The following RICTOR variants were observed in gnomAD, a reference collection of about 807,000 sequenced individuals.
RICTOR encodes the protein rapamycin-insensitive companion of mTOR.
Under a neutral mutation model 214.9 loss-of-function variants are expected in RICTOR, and 49 were observed. The observed-to-expected ratio is 0.23, with a 90% confidence interval of 0.18 to 0.29. RICTOR has a LOEUF of 0.29. RICTOR is among the 10% of genes least tolerant of loss of function. The probability of loss-of-function intolerance (pLI) is 1.00; values close to 1 mark genes in which losing one functional copy is unlikely to be tolerated. For synonymous variants in RICTOR, 717 were observed against 711.3 expected (o/e 1.01, Z -0.13); for missense variants, 1,625 against 2,047.0 (o/e 0.79, Z 3.98).
Position 38,941,147 on chromosome 5 carries a change from T to C in RICTOR, c.*1157A>G, listed in dbSNP as rs1171778204. On this transcript the variant is annotated 3_prime_UTR_variant, in exon 38 of 38. Transcript: ENST00000357387. ...AATTAAACAAACAAAAACCTTGCCC[T>C]CATCAACTTAACTTCACAAATGGAT... 4.3e-6 allele frequency: 1 copy of C among 232,786 alleles called. No homozygotes were observed. Among genetic ancestry groups the C allele is most frequent in the African/African-American group, 2.2e-5 (1 of 45,302 alleles). 14.4% of individuals were successfully genotyped at this position (232,786 alleles called of 1,614,324 possible). A position where few individuals can be genotyped will look rare whatever the true frequency, so the allele number is the denominator to read the frequency against.
chr5:39,073,975 G>T, intron 2 of RICTOR, 136 bp downstream of exon 2: 1 of 381,466 alleles, frequency 2.6e-6, no homozygotes, highest in Non-Finnish European at 3.8e-6. Flanking sequence ...CCGCGGGCCG[G>T]CAGGCGGGGC....
chr5:38,993,024 G>GT (rs1333047473), intron 6 of RICTOR, among the ~76,000 whole-genome samples: 7 of 152,276 alleles, frequency 4.6e-5, no homozygotes, highest in Non-Finnish European at 1.0e-4. Context: ...TAGGAAGGAA[G>GT]TAACAATTGT....
chr5:38,958,631 A>T, intron 23 of RICTOR, 36 bp downstream of exon 23: 1 of 1,535,454 alleles, frequency 6.5e-7, no homozygotes, highest in South Asian at 1.2e-5. Flanking sequence ...ATTTCAAAAA[A>T]ATTTAAGTAT....
Position 39,063,320 on chromosome 5 carries a change from AATCATTCT to A in RICTOR, c.97+10783_97+10790del, listed in dbSNP as rs140052416. Among the ~76,000 whole-genome samples, 577 of 152,254 alleles carry A rather than the reference AATCATTCT, an allele frequency of 3.8e-3. 3 individuals are homozygous for A. The highest frequency in any genetic ancestry group is 0.013 in the African/African-American group (552 of 41,562). ...GGCCAGAAGAGCCTGTCTGTAATATAATCATTCTTCAATAGTTAAGGGATTTATATCCA... is the reference window on the plus strand; with the variant it reads ...GGCCAGAAGAGCCTGTCTGTAATATATCAATAGTTAAGGGATTTATATCCA... On this transcript the variant is annotated intron_variant, in intron 2 of 37. Coordinates refer to ENST00000357387, the MANE Select transcript of RICTOR (RefSeq NM_152756.5).
intron 5 of RICTOR, among the ~76,000 whole-genome samples, chr5:39,000,525 C>A (rs2150100840): frequency 6.6e-6 from 1 of 151,990 alleles, no homozygotes; most frequent in South Asian, 2.1e-4. Flanking sequence ...CTAGTAAAAG[C>A]TTATAGAAAG....
chr5:39,029,981 G>C (rs1756147250), intron 2 of RICTOR, among the ~76,000 whole-genome samples: 1 of 152,026 alleles, frequency 6.6e-6, no homozygotes, highest in South Asian at 2.1e-4. Context: ...GGTTTTAGTA[G>C]TACATTACTT....
At position 39,005,087 on chromosome 5, in the gene RICTOR, T is replaced by C. The variant is rs189911335; in HGVS notation, c.196-1465A>G. ...TGAGCCACAGCGCCCGGCCTCTCAC[T>C]CAGACTCTTTTAAAGACATCTTTCC... On this transcript the variant is annotated intron_variant, in intron 3 of 37. Coordinates refer to ENST00000357387, the MANE Select transcript of RICTOR (RefSeq NM_152756.5). Among the ~76,000 whole-genome samples, 85 of 151,086 alleles carry C rather than the reference T, an allele frequency of 5.6e-4. 1 individual carries two copies. The highest frequency in any genetic ancestry group is 6.9e-3 in the Middle Eastern group (2 of 288).
At position 38,979,586 on chromosome 5, in the gene RICTOR, TAA is replaced by T. The variant is rs536718625; in HGVS notation, c.754-938_754-937del. 3.9e-4 allele frequency among the ~76,000 whole-genome samples: 60 copies of T among 152,262 alleles called. 1 individual carries two copies. Among genetic ancestry groups the T allele is most frequent in the African/African-American group, 1.4e-3 (59 of 41,548 alleles). ...ATTAATTTATACAGTTTCAATGACT[TAA>T]GAGTCTAGGAGAGGCTTGGCTACAT... is the stretch of plus-strand genomic sequence containing the variant. On this transcript the variant is annotated intron_variant, in intron 8 of 37. Transcript: ENST00000357387.
chr5:38,984,390 A>G (rs1271450684), intron 7 of RICTOR, among the ~76,000 whole-genome samples: 4 of 152,120 alleles, frequency 2.6e-5, no homozygotes, highest in Non-Finnish European at 5.9e-5. Flanking sequence ...TCTGCTTAAC[A>G]TGAAATGGAT....
At chr5:38,958,291 AAAG>A in intron 24 of RICTOR, 149 bp downstream of exon 24, 4 of 616,306 alleles carry the variant, frequency 6.5e-6, no homozygotes, top group Non-Finnish European at 1.1e-5. Flanking sequence ...AATTAAAAAA[AAAG>A]AAAAACCCAA....
rs540039908 is a variant in RICTOR, at chr5:38,975,695, C to T, written c.822-91G>A. ...GCTACTAAATCACAATAAGAGCTAT[C>T]ACTAATGTTTAAACATTTACACATA... On this transcript the variant is annotated intron_variant, in intron 9 of 37. Transcript: ENST00000357387. The T allele has an allele frequency of 1.2e-4, 107 of 896,912 alleles. 1 individual carries two copies. The South Asian group carries it at 1.5e-3, about 13-fold the overall frequency. The allele number at this position is 896,912 out of a possible 1,614,324, so 55.6% of individuals were successfully genotyped here. A position where few individuals can be genotyped will look rare whatever the true frequency, so the allele number is the denominator to read the frequency against.
intron 11 of RICTOR, chr5:38,970,289 A>G (rs1287345410): frequency 6.6e-6 from 1 of 152,222 alleles, no homozygotes; most frequent in African/African-American, 2.4e-5. Flanking sequence ...TAGAGAAGGG[A>G]TAACTAAATG....
rs540733465 is a variant in RICTOR, at chr5:38,979,232, C to G, written c.754-582G>C. 2.0e-5 allele frequency among the ~76,000 whole-genome samples: 3 copies of G among 152,222 alleles called. No individual in the cohort carries two copies. The East Asian group carries it at 5.8e-4, about 29-fold the overall frequency. On this transcript the variant is annotated intron_variant, in intron 8 of 37. Transcript: ENST00000357387. ...TGGTGTGATCACAGCTTACTGCAAC[C>G]TTGAACTCCTAGGCTCAAGCAATCC...
chr5:38,994,012 C>A (rs1198495768), intron 6 of RICTOR, among the ~76,000 whole-genome samples: 1 of 152,022 alleles, frequency 6.6e-6, no homozygotes, highest in Non-Finnish European at 1.5e-5. Flanking sequence ...GAAACCGCGT[C>A]TCTACTAAAA....
At chr5:38,949,582 C>A in intron 31 of RICTOR, 130 bp downstream of exon 31, 1 of 1,047,208 alleles carries the variant, frequency 9.5e-7, no homozygotes, top group Non-Finnish European at 1.4e-6. Context: ...GAGCTTATAG[C>A]CTACCATAGT....
intron 2 of RICTOR, among the ~76,000 whole-genome samples, chr5:39,058,640 G>C (rs1419575021): frequency 6.6e-6 from 1 of 152,008 alleles, no homozygotes; most frequent in African/African-American, 2.4e-5. Flanking sequence ...TTTCAACTTT[G>C]ATGCACAATT....
chr5:39,021,610 G>T (rs889308448), intron 2 of RICTOR, among the ~76,000 whole-genome samples: 2 of 151,990 alleles, frequency 1.3e-5, no homozygotes, highest in Non-Finnish European at 2.9e-5. Context: ...TTGTGCTCAT[G>T]CTCTCACAAG....
intron 3 of RICTOR, among the ~76,000 whole-genome samples, chr5:39,010,546 C>A (rs899868482): frequency 6.6e-6 from 1 of 152,158 alleles, no homozygotes; most frequent in South Asian, 2.1e-4. Context: ...AAGCTTGGAA[C>A]GTCCTATAGA....
At chr5:39,031,838 A>G (rs1430445688) in intron 2 of RICTOR, among the ~76,000 whole-genome samples, 1 of 152,214 alleles carries the variant, frequency 6.6e-6, no homozygotes, top group African/African-American at 2.4e-5. Context: ...GTGAGCAGAT[A>G]TGACTAAAAG....
Sources: allele counts gnomAD v4.1 joint callset (sites outside exome capture counted in the v4.1 genomes callset), GRCh38; gene constraint gnomAD v4.1.1; transcripts MANE v1.5; gene names NCBI Gene and HGNC (gene_info 2026-07-23, HGNC 2026-07-21).